AMBRA1: variants seen among roughly 807,000 people sequenced by gnomAD.
The protein encoded by AMBRA1 is autophagy and beclin 1 regulator 1, also known as activating molecule in BECN1-regulated autophagy protein 1.
AMBRA1 carries 47 observed loss-of-function variants against 125.4 expected under a neutral mutation model. The observed-to-expected ratio is 0.37, with a 90% CI of 0.30 to 0.48. AMBRA1 has a LOEUF of 0.48. AMBRA1 is among the 20% of genes least tolerant of loss of function. AMBRA1 has a pLI of 0.99. For missense variants in AMBRA1, 1,331 were observed against 1,693.4 expected, an observed-to-expected ratio of 0.79 and a Z score of 3.76; for synonymous variants, 626 against 655.5, an observed-to-expected ratio of 0.95 and a Z score of 0.69.
intron 5 of AMBRA1, among the ~76,000 whole-genome samples, chr11:46,544,318 T>C (rs537130163): frequency 6.6e-6 from 1 of 152,334 alleles, no homozygotes; most frequent in Admixed American, 6.5e-5. Flanking sequence ...AAGCACACCT[T>C]TGCTCAAATA....
chr11:46,416,680 T>C (rs1351518057), intron 15 of AMBRA1, among the ~76,000 whole-genome samples: 1 of 152,186 alleles, frequency 6.6e-6, no homozygotes, highest in Non-Finnish European at 1.5e-5. Flanking sequence ...AGAGACCCTG[T>C]TGGAACTGTC....
chr11:46,570,129 G>A (rs2043702822), intron 1 of AMBRA1, among the ~76,000 whole-genome samples: 1 of 151,806 alleles, frequency 6.6e-6, no homozygotes, highest in Non-Finnish European at 1.5e-5. Flanking sequence ...GGGCATGGTG[G>A]TGCATGCCTG....
intron 12 of AMBRA1, 26 bp from the exon 13 acceptor site, chr11:46,435,063 G>C: frequency 1.9e-6 from 3 of 1,563,972 alleles, no homozygotes; most frequent in Non-Finnish European, 2.6e-6. Context: ...AAAGAAAAGA[G>C]GATAAGAAAC....
intron 11 of AMBRA1, among the ~76,000 whole-genome samples, chr11:46,443,875 G>A (rs1456860042): frequency 6.6e-6 from 1 of 152,186 alleles, no homozygotes; most frequent in African/African-American, 2.4e-5. Flanking sequence ...GGCAGGTACT[G>A]TACATACATG....
chr11:46,578,115 TAAAC>T (rs1349643559), intron 1 of AMBRA1, among the ~76,000 whole-genome samples: 1 of 151,672 alleles, frequency 6.6e-6, no homozygotes. Flanking sequence ...GTGTCTCAAA[TAAAC>T]AAATAAAAGA....
chr11:46,572,277 G>C (rs1325438682), intron 1 of AMBRA1, among the ~76,000 whole-genome samples: 2 of 152,064 alleles, frequency 1.3e-5, no homozygotes, highest in Non-Finnish European at 2.9e-5. Context: ...CTCCAGCCTG[G>C]TGATAGAGCG....
At chr11:46,512,009 C>A (rs1266503155) in intron 8 of AMBRA1, among the ~76,000 whole-genome samples, 1 of 152,210 alleles carries the variant, frequency 6.6e-6, no homozygotes, top group African/African-American at 2.4e-5. Context: ...CATCTGCCAA[C>A]ATGCCCAGCT....
chr11:46,414,288 C>T (rs144971384), intron 15 of AMBRA1, among the ~76,000 whole-genome samples: 1 of 152,328 alleles, frequency 6.6e-6, no homozygotes, highest in African/African-American at 2.4e-5. Flanking sequence ...CTCTTAGAGC[C>T]TCGCCTGAAA....
intron 11 of AMBRA1, among the ~76,000 whole-genome samples, chr11:46,447,366 C>T (rs1948343772): frequency 6.6e-6 from 1 of 152,100 alleles, no homozygotes; most frequent in Admixed American, 6.5e-5. Context: ...GAAACCCTAC[C>T]TCTACTAAAA....
At chr11:46,579,457 C>T (rs1358576617) in intron 1 of AMBRA1, among the ~76,000 whole-genome samples, 2 of 152,174 alleles carry the variant, frequency 1.3e-5, no homozygotes, top group African/African-American at 2.4e-5. Context: ...AACTCCATCT[C>T]AATAAATAAA....
chr11:46,567,754 C>T (rs544918953), intron 1 of AMBRA1, among the ~76,000 whole-genome samples: 1 of 152,304 alleles, frequency 6.6e-6, no homozygotes, highest in Non-Finnish European at 1.5e-5. Flanking sequence ...CAGAAGCAGA[C>T]TCAGTACATA....
At chr11:46,517,617 G>A (rs1339592802) in intron 7 of AMBRA1, among the ~76,000 whole-genome samples, 7 of 147,366 alleles carry the variant, frequency 4.8e-5, no homozygotes, top group Non-Finnish European at 7.5e-5. Flanking sequence ...GGTGGATCAC[G>A]AGGTCAGGAG....
chr11:46,532,450 C>A (rs1356929444), intron 7 of AMBRA1, among the ~76,000 whole-genome samples: 2 of 152,120 alleles, frequency 1.3e-5, no homozygotes, highest in Non-Finnish European at 2.9e-5. Flanking sequence ...TTGAAGAGTT[C>A]TTTTGAGATG....
At chr11:46,573,800 A>G (rs1483927953) in intron 1 of AMBRA1, among the ~76,000 whole-genome samples, 2 of 143,200 alleles carry the variant, frequency 1.4e-5, no homozygotes. Context: ...ATACCTCCCA[A>G]TGCTATCCCT....
At chr11:46,426,458 G>A (rs1397715249) in intron 14 of AMBRA1, among the ~76,000 whole-genome samples, 4 of 152,282 alleles carry the variant, frequency 2.6e-5, no homozygotes, top group East Asian at 1.9e-4. Context: ...GTTTTTTTGA[G>A]TGAAGAGAAT....
chr11:46,403,138 A>G (rs1485360829), intron 17 of AMBRA1, among the ~76,000 whole-genome samples: 2 of 152,192 alleles, frequency 1.3e-5, no homozygotes, highest in Non-Finnish European at 2.9e-5. Flanking sequence ...CCTAAGGTAC[A>G]CTCTAGAAGC....
At chr11:46,508,499 G>T (rs145239522) in intron 8 of AMBRA1, 129 bp from the exon 9 acceptor site, 3 of 884,884 alleles carry the variant, frequency 3.4e-6, no homozygotes, top group Non-Finnish European at 5.1e-6. Context: ...AAATTAAAGG[G>T]CATTTAACTC....
At position 46,440,348 on chromosome 11, in the gene AMBRA1, C is replaced by T. The variant is rs577864346; in HGVS notation, c.2632+3140G>A. Among the ~76,000 whole-genome samples, 9 of 152,172 alleles carry T rather than the reference C, an allele frequency of 5.9e-5. No individual in the cohort carries two copies. In the South Asian group the frequency reaches 8.3e-4, roughly 14 times the overall value. On this transcript the variant is annotated intron_variant, in intron 12 of 17. Transcript: ENST00000683756. ...ACAGACGAGTACATACAGCATGCTA[C>T]CATTTGGGTTAAATAAAAGGCAGAA...
chr11:46,574,400 A>G (rs1270232409), intron 1 of AMBRA1, among the ~76,000 whole-genome samples: 1 of 151,598 alleles, frequency 6.6e-6, no homozygotes, highest in East Asian at 1.9e-4. Flanking sequence ...TTTGATTTGC[A>G]TTCCTCTGAT....
Sources: allele counts gnomAD v4.1 joint callset (sites outside exome capture counted in the v4.1 genomes callset), GRCh38; gene constraint gnomAD v4.1.1; transcripts MANE v1.5; gene names NCBI Gene and HGNC (gene_info 2026-07-23, HGNC 2026-07-21).